NABP1: variants seen among roughly 807,000 people sequenced by gnomAD.
NABP1 encodes the protein SOSS complex subunit B2.
Under a neutral mutation model 25.0 loss-of-function variants are expected in NABP1, and 18 were observed. The ratio of observed to expected loss-of-function variants is 0.72; its 90% CI spans 0.50 to 1.07. NABP1 has a LOEUF of 1.07. Among genes scored for constraint, NABP1 ranks in the 50% least tolerant of loss-of-function variants. The pLI is 0.00. For missense variants in NABP1, 270 were observed against 255.6 expected (o/e 1.06, Z -0.39); for synonymous variants, 71 against 85.0 (o/e 0.84, Z 0.91).
At chr2:191,685,522 CAT>C in intron 5 of NABP1, 75 bp from the exon 6 acceptor site, 1 of 1,226,784 alleles carries the variant, frequency 8.2e-7, no homozygotes, top group Non-Finnish European at 1.1e-6. Context: ...GCATTAATAA[CAT>C]GTTGGCACTT....
At position 191,679,065 on chromosome 2, in the gene NABP1, T is replaced by C. The variant is rs35913754; in HGVS notation, c.167T>C (p.Ile56Thr). Reference protein sequence around the residue: ...KVADKTGSITISVWDEIGGLI... With the variant: ...KVADKTGSITTSVWDEIGGLI... The stretch of plus-strand genomic sequence containing the variant: ...GCAGATAAAACGGGCAGCATCACTA[T>C]TTCCGTGTGGGATGAGATCGGAGGT... Residue 56 changes from isoleucine to threonine, a missense_variant, in exon 2 of 6, where the codon ATT becomes ACT. By Grantham distance (89) the Ile-to-Thr change is moderately conservative (BLOSUM62 -1). Coordinates refer to ENST00000425611, the MANE Select transcript of NABP1 (RefSeq NM_001031716.5). 2 of 1,614,198 alleles carry C rather than the reference T, an allele frequency of 1.2e-6. No homozygotes were observed. Among genetic ancestry groups the C allele is most frequent in the Non-Finnish European group, 1.7e-6 (2 of 1,180,026 alleles).
chr2:191,685,741 G>A lies in NABP1; in HGVS notation c.588G>A (p.Arg196=), dbSNP rs779480281. 2.5e-6 allele frequency: 4 copies of A among 1,613,890 alleles called. No homozygotes were observed. The highest frequency in any genetic ancestry group is 3.3e-5 in the Admixed American group (2 of 59,984). The change falls in exon 6 of 6, where the codon AGG becomes AGA. Residue 196 remains arginine (R), a synonymous_variant. Coordinates refer to ENST00000425611, the MANE Select transcript of NABP1 (RefSeq NM_001031716.5). ...QTVMTTISNG[R]DPRRAFKR is the part of the protein sequence containing the mutation. ...TGATGACCACAATAAGTAATGGCAG[G>A]GACCCTCGGAGAGCCTTTAAAAGAT...
chr2:191,678,611 C>T lies in NABP1; in HGVS notation c.-4C>T, dbSNP rs747756397. 1.7e-5 allele frequency: 27 copies of T among 1,608,868 alleles called. No homozygotes were observed. Among genetic ancestry groups the T allele is most frequent in the Non-Finnish European group, 2.2e-5 (26 of 1,176,938 alleles). ...TCCGCAGCCGTAGCCGCGCCTGTCC[C>T]AATATGAATAGGGTCAACGACCCAC... On this transcript the variant is annotated 5_prime_UTR_variant, in exon 1 of 6. Coordinates refer to ENST00000425611, the MANE Select transcript of NABP1 (RefSeq NM_001031716.5).
chr2:191,678,972 A>G lies in NABP1; in HGVS notation c.92-18A>G, dbSNP rs1269918079. The G allele has an allele frequency of 1.2e-6, 2 of 1,614,162 alleles. No homozygotes were observed. The highest frequency in any genetic ancestry group is 1.7e-6 in the Non-Finnish European group (2 of 1,180,018). Reference sequence around the variant, plus strand: ...CATTATCTAACAACCCCTCCCTTTGATTTTTAAATCCTCACAGGACGCGTG... The same window carrying G: ...CATTATCTAACAACCCCTCCCTTTGGTTTTTAAATCCTCACAGGACGCGTG... On this transcript the variant is annotated intron_variant, in intron 1 of 5. Transcript: ENST00000425611.
chr2:191,681,612 GT>G (rs557372344), intron 2 of NABP1, among the ~76,000 whole-genome samples: 94 of 152,260 alleles, frequency 6.2e-4, no homozygotes, highest in African/African-American at 1.9e-3. Context: ...AATAGTTTCT[GT>G]TTAAATTTCT....
At chr2:191,678,807 C>T (rs11885169) in intron 1 of NABP1, 102 bp downstream of exon 1, 2 of 1,029,022 alleles carry the variant, frequency 1.9e-6, no homozygotes, top group Non-Finnish European at 2.9e-6. Flanking sequence ...CCTCCTCCCT[C>T]CCCTCCCCCA....
At chr2:191,681,828 G>A (rs1355695732) in intron 2 of NABP1, 118 bp from the exon 3 acceptor site, 1 of 500,128 alleles carries the variant, frequency 2.0e-6, no homozygotes, top group Non-Finnish European at 3.3e-6. Flanking sequence ...GGTGGATAGA[G>A]AGGGCTTGAT....
intron 2 of NABP1, among the ~76,000 whole-genome samples, chr2:191,680,783 C>G (rs1488352304): frequency 6.6e-6 from 1 of 152,072 alleles, no homozygotes; most frequent in Non-Finnish European, 1.5e-5. Context: ...TCAGTATGAC[C>G]TTGAGAAGTT....
At chr2:191,681,830 G>A in intron 2 of NABP1, 116 bp from the exon 3 acceptor site, 1 of 510,870 alleles carries the variant, frequency 2.0e-6, no homozygotes, top group Non-Finnish European at 3.2e-6. Flanking sequence ...TGGATAGAGA[G>A]GGCTTGATCC....
chr2:191,682,514 G>T (rs779380208), intron 3 of NABP1: 2 of 470,932 alleles, frequency 4.2e-6, no homozygotes, highest in Non-Finnish European at 8.8e-6. Flanking sequence ...GCAGGCAGCC[G>T]CAATGCGAGA....
intron 1 of NABP1, 27 bp from the exon 2 acceptor site, chr2:191,678,963 C>T (rs767912685): frequency 1.9e-6 from 3 of 1,614,216 alleles, no homozygotes; most frequent in Admixed American, 3.3e-5. Context: ...CTAACAACCC[C>T]TCCCTTTGAT....
chr2:191,679,159 C>T (rs759884601), intron 2 of NABP1, 31 bp downstream of exon 2: 1 of 1,613,362 alleles, frequency 6.2e-7, no homozygotes, highest in Non-Finnish European at 8.5e-7. Context: ...GGGGACCTAA[C>T]AGTCTGCAGA....
intron 2 of NABP1, among the ~76,000 whole-genome samples, chr2:191,680,501 T>C (rs1574755387): frequency 6.6e-6 from 1 of 152,328 alleles, no homozygotes; most frequent in East Asian, 1.9e-4. Flanking sequence ...AATTCCTTCT[T>C]AGGGAAGTAT....
chr2:191,682,732 T>C, intron 3 of NABP1: 1 of 219,216 alleles, frequency 4.6e-6, no homozygotes, highest in Non-Finnish European at 9.8e-6. Flanking sequence ...TTGGAAGATA[T>C]TTAAAAAGAG....
Position 191,682,000 on chromosome 2 carries a change from A to T in NABP1, c.285A>T (p.Glu95Asp). The part of the protein sequence containing the change: ...CLTLYTGRGG[E>D]LQKIGEFCMV... The stretch of plus-strand genomic sequence containing the variant: ...CACTTTATACTGGAAGGGGTGGTGA[A>T]CTTCAAAAAATTGGGGAGTAAGTAT... The change falls in exon 3 of 6, where the codon GAA becomes GAT. Residue 95 changes from glutamate (E) to aspartate (D), a missense_variant. Coordinates refer to ENST00000425611, the MANE Select transcript of NABP1 (RefSeq NM_001031716.5). 6.7e-7 allele frequency: 1 copy of T among 1,502,692 alleles called. No homozygotes were observed. The highest frequency in any genetic ancestry group is 8.8e-7 in the Non-Finnish European group (1 of 1,131,282). The allele number at this position is 1,502,692 out of a possible 1,614,324, so 93.1% of individuals were successfully genotyped here.
chr2:191,680,113 C>CT (rs1558985627), intron 2 of NABP1, among the ~76,000 whole-genome samples: 4 of 151,562 alleles, frequency 2.6e-5, no homozygotes, highest in African/African-American at 7.3e-5. Context: ...AATACTAGAA[C>CT]TTTTTTTTTA....
chr2:191,678,421 T>TTTG lies in NABP1; in HGVS notation c.-192_-191insGTT. On this transcript the variant is annotated 5_prime_UTR_variant, in exon 1 of 6. Transcript: ENST00000425611. Reference sequence around the variant, plus strand: ...TGTGAGCCTTTTTTTTTTTTTTTTTTTTTTTTCTTTTTTTAGGCTCAGTGC... The same window carrying TTTG: ...TGTGAGCCTTTTTTTTTTTTTTTTTTTTGTTTTTTCTTTTTTTAGGCTCAGTGC... 3.5e-6 allele frequency: 1 copy of TTTG among 284,466 alleles called. No individual in the cohort carries two copies. The highest frequency in any genetic ancestry group is 6.4e-6 in the Non-Finnish European group (1 of 156,086). 17.6% of individuals were successfully genotyped at this position (284,466 alleles called of 1,614,324 possible).
intron 4 of NABP1, 108 bp from the exon 5 acceptor site, chr2:191,684,115 TAAAAAAA>T (rs372983331): frequency 6.2e-6 from 3 of 485,612 alleles, no homozygotes; most frequent in Admixed American, 9.3e-5. Flanking sequence ...ATTTGTTAAT[TAAAAAAA>T]AAAAAAAAGC....
intron 5 of NABP1, 49 bp downstream of exon 5, chr2:191,684,345 G>T: frequency 7.5e-7 from 1 of 1,328,438 alleles, no homozygotes; most frequent in South Asian, 1.6e-5. Flanking sequence ...TAAGAATGAA[G>T]AGAGCTGTAA....
Sources: gnomAD v4.1 joint callset for allele counts (sites outside exome capture counted in the v4.1 genomes callset) on GRCh38, gnomAD v4.1.1 for gene constraint, MANE v1.5 for transcripts, NCBI Gene and HGNC (gene_info 2026-07-23, HGNC 2026-07-21) for gene names.